ITGB3BP: variants seen among roughly 807,000 people sequenced by gnomAD.
The protein encoded by ITGB3BP is centromere protein R.
ITGB3BP carries 27 observed loss-of-function variants against 29.1 expected under a neutral mutation model. That is an observed-to-expected ratio of 0.93 (90% confidence interval 0.68 to 1.28). The LOEUF (loss-of-function observed/expected upper bound fraction) is 1.28. Among genes scored for constraint, ITGB3BP ranks in the 50% most tolerant of loss-of-function variants. The pLI is 0.00. For missense variants in ITGB3BP, 192 were observed against 200.2 expected, an observed-to-expected ratio of 0.96 and a Z score of 0.25; for synonymous variants, 61 against 61.4, an observed-to-expected ratio of 0.99 and a Z score of 0.03.
intron 4 of ITGB3BP, among the ~76,000 whole-genome samples, chr1:63,472,476 C>T (rs1292052313): frequency 6.8e-6 from 1 of 146,230 alleles, no homozygotes. Context: ...CCTCTCCCCT[C>T]TCTCCTCTCC....
At chr1:63,444,202 T>C (rs1387893222) in intron 8 of ITGB3BP, among the ~76,000 whole-genome samples, 1 of 152,144 alleles carries the variant, frequency 6.6e-6, no homozygotes, top group African/African-American at 2.4e-5. Context: ...TTATCTTTAC[T>C]AAAATCCATT....
At chr1:63,501,951 C>T (rs1645941556) in intron 2 of ITGB3BP, among the ~76,000 whole-genome samples, 2 of 151,950 alleles carry the variant, frequency 1.3e-5, no homozygotes, top group Admixed American at 6.6e-5. Flanking sequence ...CCCAACAAAA[C>T]CTGCACCACT....
rs898860340 is a variant in ITGB3BP at position 63,490,133 on chromosome 1, G to A, written c.134C>T (p.Ala45Val). The A allele has an allele frequency of 6.2e-7, 1 of 1,610,016 alleles. No homozygotes were observed. The highest frequency in any genetic ancestry group is 1.3e-5 in the African/African-American group (1 of 74,808). ...TTGTCQMSLF[A>V]SPTSSEEQKH... ...TTGCTCTTCAGAACTTGTGGGAGAA[G>A]CAAATAGACTCATTTGACAAGTTCC... The change falls in exon 3 of 9, where the codon GCT (alanine) becomes GTT (valine). Residue 45 changes from alanine (A) to valine (V), a missense_variant. Ala to Val is a moderately conservative substitution (Grantham distance 64, BLOSUM62 0). Coordinates refer to ENST00000271002, the MANE Select transcript of ITGB3BP (RefSeq NM_014288.5).
chr1:63,451,749 T>C (rs962138067), intron 7 of ITGB3BP: 1 of 151,322 alleles, frequency 6.6e-6, no homozygotes, highest in African/African-American at 2.5e-5. Flanking sequence ...TTTAATCTAT[T>C]TTTTAGGCAA....
intron 3 of ITGB3BP, among the ~76,000 whole-genome samples, chr1:63,487,850 C>T (rs578008094): frequency 6.6e-6 from 1 of 152,112 alleles, no homozygotes; most frequent in African/African-American, 2.4e-5. Context: ...GGCATCACCA[C>T]AAAAATGTGA....
intron 8 of ITGB3BP, chr1:63,446,423 T>C: frequency 5.8e-6 from 1 of 171,778 alleles, no homozygotes; most frequent in East Asian, 1.6e-4. Flanking sequence ...AGACTAGTTA[T>C]ATCTTGTTCA....
intron 6 of ITGB3BP, 26 bp from the exon 7 acceptor site, chr1:63,454,000 A>T: frequency 1.5e-6 from 2 of 1,345,374 alleles, no homozygotes; most frequent in Non-Finnish European, 2.1e-6. Context: ...ATCCCATGTC[A>T]AGAATTAACA....
In ITGB3BP at chr1:63,454,765, AT is replaced by A; in HGVS notation, c.333+124del. ...ATAGTGTTCTCCTATTAAAAAAAAA[AT>A]TCCCATGAAAAGTAAATTAAACATA... On this transcript the variant is annotated intron_variant, in intron 5 of 8. Coordinates refer to ENST00000271002, the MANE Select transcript of ITGB3BP (RefSeq NM_014288.5). The surrounding 1 kb of genome is among the most constrained non-coding windows in gnomAD (Gnocchi z 4.1). The A allele has an allele frequency of 1.5e-5, 7 of 480,510 alleles. No individual in the cohort carries two copies. In the South Asian group the frequency reaches 3.3e-4, roughly 22 times the overall value. 29.8% of individuals were successfully genotyped at this position (480,510 alleles called of 1,614,324 possible).
intron 3 of ITGB3BP, among the ~76,000 whole-genome samples, chr1:63,487,617 T>C (rs1645556252): frequency 6.6e-6 from 1 of 152,094 alleles, no homozygotes; most frequent in African/African-American, 2.4e-5. Flanking sequence ...TACTGAACAC[T>C]GTAGGCAATT....
At chr1:63,493,457 C>A (rs947931496) in intron 2 of ITGB3BP, among the ~76,000 whole-genome samples, 4 of 151,700 alleles carry the variant, frequency 2.6e-5, no homozygotes, top group African/African-American at 7.3e-5. Flanking sequence ...AACAAACAAA[C>A]CTGCTTGTAA....
At chr1:63,502,306 C>T (rs1457147781) in intron 2 of ITGB3BP, among the ~76,000 whole-genome samples, 3 of 152,098 alleles carry the variant, frequency 2.0e-5, no homozygotes, top group Admixed American at 6.5e-5. Context: ...AATTGTGGTA[C>T]TGGCAGTATA....
At chr1:63,495,683 G>C (rs1057362406) in intron 2 of ITGB3BP, among the ~76,000 whole-genome samples, 4 of 151,736 alleles carry the variant, frequency 2.6e-5, no homozygotes, top group Non-Finnish European at 5.9e-5. Flanking sequence ...AGGTGGGGGT[G>C]GGGGTGAAGG....
chr1:63,515,283 C>T (rs112428538), intron 1 of ITGB3BP, among the ~76,000 whole-genome samples: 2 of 152,250 alleles, frequency 1.3e-5, no homozygotes, highest in South Asian at 2.1e-4. Flanking sequence ...CCCCACTGAG[C>T]TGCTTTGGTA....
intron 4 of ITGB3BP, among the ~76,000 whole-genome samples, chr1:63,469,317 A>G (rs1487960197): frequency 6.6e-6 from 1 of 150,506 alleles, no homozygotes; most frequent in Non-Finnish European, 1.5e-5. Flanking sequence ...ACCATAAATT[A>G]TTATTATTAT....
At chr1:63,460,507 C>T (rs1645000175) in intron 4 of ITGB3BP, among the ~76,000 whole-genome samples, 1 of 152,138 alleles carries the variant, frequency 6.6e-6, no homozygotes, top group Non-Finnish European at 1.5e-5. Context: ...AAATAATATT[C>T]CACTGCATGT....
At chr1:63,521,511 A>C (rs1172424494) in intron 1 of ITGB3BP, among the ~76,000 whole-genome samples, 1 of 152,152 alleles carries the variant, frequency 6.6e-6, no homozygotes, top group African/African-American at 2.4e-5. Flanking sequence ...TCTTGTGTGC[A>C]TATGTTAGGA....
chr1:63,519,400 T>C (rs5023679), intron 1 of ITGB3BP, among the ~76,000 whole-genome samples: 32,468 of 151,958 alleles, frequency 0.21, 4,037 homozygotes, highest in African/African-American at 0.35. Flanking sequence ...TGAATGCATA[T>C]TGCTTTCACA....
chr1:63,477,458 C>T (rs184999671), intron 4 of ITGB3BP, among the ~76,000 whole-genome samples: 2 of 152,260 alleles, frequency 1.3e-5, no homozygotes, highest in Admixed American at 6.5e-5. Flanking sequence ...GTATCTCACA[C>T]CTGTAATCCC....
chr1:63,510,065 C>A, intron 1 of ITGB3BP: 1 of 603,864 alleles, frequency 1.7e-6, no homozygotes, highest in Non-Finnish European at 3.0e-6. Context: ...TGGTGCGTGC[C>A]TGTAATCCCA....
Sources: gnomAD v4.1 joint callset for allele counts (sites outside exome capture counted in the v4.1 genomes callset) on GRCh38, gnomAD v4.1.1 for gene constraint, Gnocchi (gnomAD v3.1) non-coding constraint, MANE v1.5 for transcripts, NCBI Gene and HGNC (gene_info 2026-07-23, HGNC 2026-07-21) for gene names.